Variants in FER observed in about 807,000 individuals in gnomAD.
FER encodes the protein tyrosine-protein kinase Fer.
Under a neutral mutation model 111.0 loss-of-function variants are expected in FER, and 63 were observed. That is an observed-to-expected ratio of 0.57 (90% confidence interval 0.46 to 0.70). The LOEUF is 0.70. Ranked by LOEUF, FER falls within the 30% of genes least tolerant of loss-of-function variation. The pLI is 0.00. For missense variants in FER, 914 were observed against 954.0 expected, an observed-to-expected ratio of 0.96 and a Z score of 0.55; for synonymous variants, 327 against 313.9, an observed-to-expected ratio of 1.04 and a Z score of -0.44.
chr5:109,058,591 T>C (rs1773939111), intron 16 of FER, among the ~76,000 whole-genome samples: 1 of 152,032 alleles, frequency 6.6e-6, no homozygotes, highest in Non-Finnish European at 1.5e-5. Flanking sequence ...TCTTTAGACA[T>C]GGCTTTGAAT....
At chr5:109,050,023 G>A (rs1667217492) in intron 16 of FER, among the ~76,000 whole-genome samples, 1 of 152,108 alleles carries the variant, frequency 6.6e-6, no homozygotes, top group African/African-American at 2.4e-5. Flanking sequence ...ACCAGTTACT[G>A]CAAAATTCAT....
intron 10 of FER, among the ~76,000 whole-genome samples, chr5:108,931,709 A>C (rs772890702): frequency 6.6e-6 from 1 of 152,142 alleles, no homozygotes; most frequent in Non-Finnish European, 1.5e-5. Context: ...GGGGACCTGT[A>C]ATCCCAGCTA....
At chr5:109,089,326 C>T (rs538899258) in intron 16 of FER, among the ~76,000 whole-genome samples, 8 of 152,144 alleles carry the variant, frequency 5.3e-5, no homozygotes, top group Non-Finnish European at 1.0e-4. Flanking sequence ...GGAATTGTTA[C>T]CCCTTTCACA....
chr5:109,179,310 C>T (rs1758031397), intron 17 of FER, among the ~76,000 whole-genome samples: 1 of 152,110 alleles, frequency 6.6e-6, no homozygotes, highest in African/African-American at 2.4e-5. Context: ...AGCCTTTCAC[C>T]ATTTAAGTGT....
At chr5:109,180,677 G>A (rs1758199395) in intron 17 of FER, 70 bp from the exon 18 acceptor site, 1 of 1,497,720 alleles carries the variant, frequency 6.7e-7, no homozygotes, top group South Asian at 1.3e-5. Context: ...GCAAAGTGTG[G>A]AAATCATAAA....
intron 9 of FER, 38 bp downstream of exon 9, chr5:108,883,556 AAT>A: frequency 6.6e-7 from 1 of 1,509,190 alleles, no homozygotes; most frequent in Non-Finnish European, 8.9e-7. Context: ...AAGAATGTTT[AAT>A]TGTAATTTTA....
intron 2 of FER, among the ~76,000 whole-genome samples, chr5:108,787,422 C>A (rs1389348380): frequency 6.6e-6 from 1 of 152,184 alleles, no homozygotes; most frequent in Admixed American, 6.5e-5. Context: ...CAGACAGGTT[C>A]CTAGGCAGAA....
intron 10 of FER, 117 bp from the exon 11 acceptor site, chr5:108,946,013 A>G: frequency 1.6e-6 from 1 of 630,884 alleles, no homozygotes; most frequent in Non-Finnish European, 2.7e-6. Context: ...GGAAGTTTAT[A>G]TTTTATTTAG....
intron 2 of FER, among the ~76,000 whole-genome samples, chr5:108,794,526 A>ACCCCCCCCCCCCCCCCCCCCCCCCCCC (rs138716410): frequency 9.4e-6 from 1 of 106,354 alleles, no homozygotes; most frequent in African/African-American, 3.8e-5. Context: ...CCCCCTCCGC[A>ACCCCCCCCCCCCCCCCCCCCCCCCCCC]CCCCCCCCCC....
intron 2 of FER, among the ~76,000 whole-genome samples, chr5:108,772,178 C>T (rs769489576): frequency 2.0e-5 from 3 of 152,020 alleles, no homozygotes; most frequent in African/African-American, 7.3e-5. Flanking sequence ...GCCTAGTCAC[C>T]TCCTGAGGGC....
chr5:108,872,268 G>A (rs1764672819), intron 8 of FER, 56 bp downstream of exon 8: 1 of 1,448,220 alleles, frequency 6.9e-7, no homozygotes, highest in Non-Finnish European at 9.3e-7. Flanking sequence ...TTGCTTTATT[G>A]TTGTACTCAG....
At chr5:109,054,586 T>A (rs1008795411) in intron 16 of FER, among the ~76,000 whole-genome samples, 1 of 152,222 alleles carries the variant, frequency 6.6e-6, no homozygotes, top group Non-Finnish European at 1.5e-5. Flanking sequence ...GAAAAACATC[T>A]TTATTTTGAT....
intron 3 of FER, among the ~76,000 whole-genome samples, 182 bp from the exon 4 acceptor site, chr5:108,832,588 T>C (rs541426922): frequency 1.3e-5 from 2 of 152,270 alleles, no homozygotes; most frequent in South Asian, 4.2e-4. Flanking sequence ...GCATGTGTAG[T>C]TGAAGTTGAA....
At chr5:108,763,626 A>G (rs1561381875) in intron 1 of FER, among the ~76,000 whole-genome samples, 2 of 152,162 alleles carry the variant, frequency 1.3e-5, no homozygotes, top group South Asian at 2.1e-4. Flanking sequence ...GAGAAGGCTT[A>G]ATTTCTCCAA....
chr5:109,024,249 C>T (rs1194422812), intron 13 of FER, among the ~76,000 whole-genome samples: 2 of 152,146 alleles, frequency 1.3e-5, no homozygotes, highest in Non-Finnish European at 2.9e-5. Context: ...CTGATAAACT[C>T]AGTGGAATAG....
chr5:109,093,524 A>G (rs1205878785), intron 16 of FER, among the ~76,000 whole-genome samples: 3 of 152,146 alleles, frequency 2.0e-5, no homozygotes, highest in African/African-American at 7.2e-5. Context: ...GTAAGATTGT[A>G]TGACATTTTC....
At chr5:109,005,911 AC>A (rs1765440089) in intron 13 of FER, among the ~76,000 whole-genome samples, 2 of 152,238 alleles carry the variant, frequency 1.3e-5, no homozygotes, top group African/African-American at 4.8e-5. Flanking sequence ...ATAACTTAAG[AC>A]AAATTTGTAT....
intron 3 of FER, among the ~76,000 whole-genome samples, chr5:108,820,929 T>C (rs903730762): frequency 1.3e-5 from 2 of 152,142 alleles, no homozygotes; most frequent in Non-Finnish European, 2.9e-5. Flanking sequence ...CTGGCCAACA[T>C]GGTGAAACCC....
chr5:108,968,985 ACC>A (rs1408928951), intron 13 of FER, among the ~76,000 whole-genome samples: 71 of 152,228 alleles, frequency 4.7e-4, no homozygotes, highest in African/African-American at 1.7e-3. Flanking sequence ...ATATTTATTC[ACC>A]TATTAGATTA....
Sources: gnomAD v4.1 joint callset for allele counts (sites outside exome capture counted in the v4.1 genomes callset) on GRCh38, gnomAD v4.1.1 for gene constraint, MANE v1.5 for transcripts, NCBI Gene and HGNC (gene_info 2026-07-23, HGNC 2026-07-21) for gene names.